Variants in TEK observed in about 807,000 individuals in gnomAD.
The protein encoded by TEK is angiopoietin-1 receptor.
Under a neutral mutation model 131.8 loss-of-function variants are expected in TEK, and 43 were observed. The observed-to-expected ratio is 0.33, with a 90% CI of 0.26 to 0.42. The LOEUF is 0.42. TEK is among the 10% of genes least tolerant of loss of function. The pLI, the probability that TEK is intolerant of heterozygous loss-of-function variation, is 1.00. For synonymous variants in TEK, 580 were observed against 491.6 expected (o/e 1.18, Z -2.38); for missense variants, 1,162 against 1,384.4 (o/e 0.84, Z 2.55).
intron 1 of TEK, among the ~76,000 whole-genome samples, chr9:27,138,222 G>A (rs986555713): frequency 5.3e-5 from 8 of 152,366 alleles, no homozygotes; most frequent in African/African-American, 7.2e-5. Context: ...CCACAGTGTG[G>A]AAGGGGATCT....
At chr9:27,224,734 G>A (rs10812538) in intron 21 of TEK, among the ~76,000 whole-genome samples, 53,504 of 151,912 alleles carry the variant, frequency 0.35, 9,918 homozygotes, top group African/African-American at 0.47. Flanking sequence ...CCTGTTCAAC[G>A]TAGGATTGAA....
chr9:27,200,925 G>A (rs377368793), intron 12 of TEK, among the ~76,000 whole-genome samples: 15 of 152,190 alleles, frequency 9.9e-5, no homozygotes, highest in Middle Eastern at 3.4e-3. Flanking sequence ...GAACTAGTAC[G>A]GCATGGGGAT....
chr9:27,225,117 CAAAT>C (rs899348762), intron 21 of TEK, among the ~76,000 whole-genome samples: 1 of 152,146 alleles, frequency 6.6e-6, no homozygotes, highest in Non-Finnish European at 1.5e-5. Context: ...AGGACACAAA[CAAAT>C]GGAAAAACAT....
intron 14 of TEK, 117 bp downstream of exon 14, chr9:27,205,182 G>A (rs556772146): frequency 4.6e-6 from 6 of 1,300,104 alleles, no homozygotes; most frequent in Non-Finnish European, 6.5e-6. Context: ...CCTTAGGCAA[G>A]CCTCATCTTC....
At chr9:27,214,949 C>T (rs1220736531) in intron 18 of TEK, among the ~76,000 whole-genome samples, 4 of 152,162 alleles carry the variant, frequency 2.6e-5, no homozygotes, top group Non-Finnish European at 4.4e-5. Flanking sequence ...GAAGCAGAAT[C>T]CATCACTCAC....
intron 1 of TEK, among the ~76,000 whole-genome samples, chr9:27,112,647 G>T (rs570533984): frequency 2.0e-5 from 3 of 152,098 alleles, no homozygotes; most frequent in African/African-American, 7.2e-5. Flanking sequence ...TTATCAGTTT[G>T]CCTCCTGAGC....
rs538993964 is a variant in TEK at position 27,199,355 on chromosome 9, A to G, written c.1909+1756A>G. On this transcript the variant is annotated intron_variant, in intron 12 of 22. Transcript: ENST00000380036. ...AATGCCCATTCTTATGCATGTCTCCATGTGCATAGACAGGTGTGAGAGTTT... is the reference window on the plus strand; with the variant it reads ...AATGCCCATTCTTATGCATGTCTCCGTGTGCATAGACAGGTGTGAGAGTTT... 3.9e-5 allele frequency among the ~76,000 whole-genome samples: 6 copies of G among 152,236 alleles called. No individual in the cohort carries two copies. The East Asian group carries it at 1.2e-3, about 29-fold the overall frequency.
At chr9:27,138,193 G>A (rs1315615284) in intron 1 of TEK, among the ~76,000 whole-genome samples, 1 of 152,230 alleles carries the variant, frequency 6.6e-6, no homozygotes, top group Non-Finnish European at 1.5e-5. Context: ...TTATTGTGAA[G>A]AGCAAAAGAA....
chr9:27,224,190 G>A (rs139719579), intron 21 of TEK, among the ~76,000 whole-genome samples: 4,241 of 152,232 alleles, frequency 0.028, 92 homozygotes, highest in Non-Finnish European at 0.048. Context: ...GTACAAAGAG[G>A]AGCTGGTACC....
chr9:27,153,349 C>T (rs184468277), intron 1 of TEK, among the ~76,000 whole-genome samples: 1 of 152,172 alleles, frequency 6.6e-6, no homozygotes, highest in Non-Finnish European at 1.5e-5. Flanking sequence ...ACTCGAGAGG[C>T]TGAGGCAGGA....
At chr9:27,122,757 A>G (rs1358907720) in intron 1 of TEK, among the ~76,000 whole-genome samples, 1 of 152,042 alleles carries the variant, frequency 6.6e-6, no homozygotes, top group Admixed American at 6.6e-5. Context: ...ACTATATCAA[A>G]AATTGGAGGA....
chr9:27,132,643 A>G (rs1822269417), intron 1 of TEK, among the ~76,000 whole-genome samples: 1 of 152,236 alleles, frequency 6.6e-6, no homozygotes, highest in Non-Finnish European at 1.5e-5. Context: ...CAAAAACTAT[A>G]AAATGAGAAC....
intron 12 of TEK, among the ~76,000 whole-genome samples, chr9:27,202,049 A>G (rs1055035318): frequency 6.6e-6 from 1 of 152,198 alleles, no homozygotes; most frequent in African/African-American, 2.4e-5. Context: ...CCTTTATTGG[A>G]TCACGAACTT....
At chr9:27,185,676 G>A (rs771169735) in intron 9 of TEK, 47 bp downstream of exon 9, 2 of 1,610,508 alleles carry the variant, frequency 1.2e-6, no homozygotes, top group East Asian at 2.2e-5. Context: ...GATGCATTAT[G>A]TTTTTGTATT....
intron 18 of TEK, among the ~76,000 whole-genome samples, chr9:27,216,252 A>G (rs1460435170): frequency 1.3e-5 from 2 of 152,172 alleles, no homozygotes; most frequent in Non-Finnish European, 2.9e-5. Context: ...AGAACAGACA[A>G]TTAGGGAGGG....
intron 10 of TEK, 121 bp downstream of exon 10, chr9:27,190,811 C>G (rs1447876457): frequency 7.2e-7 from 1 of 1,396,356 alleles, no homozygotes; most frequent in Admixed American, 1.8e-5. Context: ...GTGGCTGTTG[C>G]AGAGGATTCT....
At chr9:27,192,663 G>GGGA in intron 11 of TEK, 40 bp downstream of exon 11, 1 of 1,603,604 alleles carries the variant, frequency 6.2e-7, no homozygotes, top group Non-Finnish European at 8.5e-7. Context: ...TGAGCTGGGT[G>GGGA]GGAGGGGGAG....
intron 1 of TEK, among the ~76,000 whole-genome samples, chr9:27,125,197 A>G (rs559078956): frequency 1.3e-5 from 2 of 152,344 alleles, no homozygotes; most frequent in African/African-American, 4.8e-5. Context: ...CAGCTGCAGA[A>G]GCTCAGCCAC....
chr9:27,112,152 G>T (rs537748527), intron 1 of TEK, among the ~76,000 whole-genome samples: 1 of 152,250 alleles, frequency 6.6e-6, no homozygotes, highest in South Asian at 2.1e-4. Context: ...GCCCGCCTCG[G>T]CCTCCCAAAG....
Sources: allele counts gnomAD v4.1 joint callset (sites outside exome capture counted in the v4.1 genomes callset), GRCh38; gene constraint gnomAD v4.1.1; transcripts MANE v1.5; gene names NCBI Gene and HGNC (gene_info 2026-07-23, HGNC 2026-07-21).